Variants in GCNT1 observed in about 807,000 individuals in gnomAD.
The protein encoded by GCNT1 is glucosaminyl (N-acetyl) transferase 1.
GCNT1 carries 16 observed loss-of-function variants against 26.2 expected under a neutral mutation model. The ratio of observed to expected loss-of-function variants is 0.61; its 90% confidence interval spans 0.41 to 0.93. The LOEUF is 0.93. Among genes scored for constraint, GCNT1 ranks in the 40% least tolerant of loss-of-function variants. GCNT1 has a pLI of 0.00. For synonymous variants in GCNT1, 183 were observed against 190.8 expected (o/e 0.96, Z 0.34); for missense variants, 477 against 526.7 (o/e 0.91, Z 0.92).
At chr9:76,431,794 C>T (rs1823341395) in intron 1 of GCNT1, among the ~76,000 whole-genome samples, 1 of 152,120 alleles carries the variant, frequency 6.6e-6, no homozygotes, top group African/African-American at 2.4e-5. Flanking sequence ...ACCTCATTAA[C>T]ACAACAAAGA....
upstream of GCNT1, among the ~76,000 whole-genome samples, chr9:76,454,850 T>TTC (rs1165948516): frequency 4.3e-5 from 6 of 140,468 alleles, no homozygotes; most frequent in Non-Finnish European, 9.3e-5. Context: ...TTCTTTTTTT[T>TTC]TTTTTTTTTT....
chr9:76,475,359 A>G (rs908100424), intron 2 of GCNT1, among the ~76,000 whole-genome samples: 1 of 152,176 alleles, frequency 6.6e-6, no homozygotes, highest in Non-Finnish European at 1.5e-5. Flanking sequence ...TGAAGCCTCC[A>G]AAAAGAGAAT....
chr9:76,469,061 AC>A (rs1389167557), intron 2 of GCNT1, among the ~76,000 whole-genome samples: 1 of 152,128 alleles, frequency 6.6e-6, no homozygotes, highest in African/African-American at 2.4e-5. Flanking sequence ...ATTGATTGAA[AC>A]CCACTGGGCA....
intron 2 of GCNT1, among the ~76,000 whole-genome samples, chr9:76,477,385 G>GC (rs1368096910): frequency 3.3e-5 from 5 of 151,918 alleles, no homozygotes; most frequent in African/African-American, 1.2e-4. Flanking sequence ...AATTAGCTAG[G>GC]CATGGTGGTG....
At chr9:76,414,559 T>G in the GCNT1 span, among the ~76,000 whole-genome samples, 1 of 152,178 alleles carries the variant, frequency 6.6e-6, no homozygotes, top group Non-Finnish European at 1.5e-5. Context: ...ATTTCTTGAT[T>G]AGATGATAAA....
At chr9:76,410,479 C>T in the GCNT1 span, among the ~76,000 whole-genome samples, 4 of 152,050 alleles carry the variant, frequency 2.6e-5, no homozygotes, top group South Asian at 2.1e-4. Context: ...AGGCTGGGTG[C>T]GGTGGCTCAG....
chr9:76,505,087 G>C lies in GCNT1; in HGVS notation c.*1419G>C, dbSNP rs143046583. 1,064 of 412,118 alleles carry C rather than the reference G, an allele frequency of 2.6e-3. 1 individual carries two copies. Among genetic ancestry groups the C allele is most frequent in the South Asian group, 4.4e-3 (31 of 7,004 alleles). The allele number at this position is 412,118 out of a possible 1,614,324, so 25.5% of individuals were successfully genotyped here. A position where few individuals can be genotyped will look rare whatever the true frequency, so the allele number is the denominator to read the frequency against. Reference sequence around the variant, plus strand: ...CATGTTGATACTGTTCAGCAAACAAGCTACCAGGAACTGTGAGGCTTTGTC... The same window carrying C: ...CATGTTGATACTGTTCAGCAAACAACCTACCAGGAACTGTGAGGCTTTGTC... On this transcript the variant is annotated 3_prime_UTR_variant, in exon 4 of 4. Transcript: ENST00000376730.
intron 1 of GCNT1, among the ~76,000 whole-genome samples, chr9:76,445,684 A>G (rs1823564773): frequency 6.6e-6 from 1 of 151,860 alleles, no homozygotes. Context: ...TGGCAAAGAT[A>G]AAAACTGTGG....
intron 2 of GCNT1, among the ~76,000 whole-genome samples, chr9:76,489,298 G>T (rs952629616): frequency 2.8e-4 from 43 of 152,190 alleles, no homozygotes; most frequent in Admixed American, 2.0e-3. Flanking sequence ...TGTGTCTGGA[G>T]TTGGTTCCTT....
chr9:76,503,773 G>C lies in GCNT1; in HGVS notation c.*105G>C. On this transcript the variant is annotated 3_prime_UTR_variant, in exon 4 of 4. Coordinates refer to ENST00000376730, the MANE Select transcript of GCNT1 (RefSeq NM_001490.5). ...GGGAAGATGGTATGAAGTCCTCTTT[G>C]GGGCAGGGACTCTAGTAGATCTTCT... is the stretch of plus-strand genomic sequence containing the variant. The C allele has an allele frequency of 3.4e-6, 3 of 878,318 alleles. No homozygotes were observed. Among genetic ancestry groups the C allele is most frequent in the Non-Finnish European group, 5.6e-6 (3 of 535,644 alleles). 54.4% of individuals were successfully genotyped at this position (878,318 alleles called of 1,614,324 possible). A position where few individuals can be genotyped will look rare whatever the true frequency, so the allele number is the denominator to read the frequency against.
chr9:76,474,612 C>T (rs1824214383), intron 2 of GCNT1, among the ~76,000 whole-genome samples: 1 of 152,128 alleles, frequency 6.6e-6, no homozygotes, highest in African/African-American at 2.4e-5. Context: ...GTGTATTGTG[C>T]AATGTTACGT....
At chr9:76,435,951 CTTTT>C (rs398046579) in intron 1 of GCNT1, among the ~76,000 whole-genome samples, 19 of 112,014 alleles carry the variant, frequency 1.7e-4, no homozygotes, top group South Asian at 6.3e-4. Context: ...GTTCCCATAT[CTTTT>C]TTTTTTTTTT....
chr9:76,459,546 C>T lies in GCNT1; in HGVS notation c.-408+241C>T, dbSNP rs570540715. The stretch of plus-strand genomic sequence containing the variant: ...GGCTGGGACGCCGGTGCCCCGTGTC[C>T]CCTGAAAGTCACTTTCTGGCCTCTT... On this transcript the variant is annotated intron_variant, in intron 1 of 3. Coordinates refer to ENST00000376730, the MANE Select transcript of GCNT1 (RefSeq NM_001490.5). Among the ~76,000 whole-genome samples, 25 of 152,332 alleles carry T rather than the reference C, an allele frequency of 1.6e-4. No individual in the cohort carries two copies. In the East Asian group the frequency reaches 4.3e-3, roughly 26 times the overall value.
rs558327418 is a variant in GCNT1, at chr9:76,429,936, G to C, written n.38+10049G>C. Reference sequence around the variant, plus strand: ...TCACCATGTTAGCCAGGATGGTCTCGATCTCCTGACCTTGTGATCTGCCCG... The same window carrying C: ...TCACCATGTTAGCCAGGATGGTCTCCATCTCCTGACCTTGTGATCTGCCCG... On this transcript the variant is annotated intron_variant and non_coding_transcript_variant, in intron 1 of 3. Coordinates refer to the GCNT1 transcript ENST00000488136. Among the ~76,000 whole-genome samples, 5 of 152,076 alleles carry C rather than the reference G, an allele frequency of 3.3e-5. No individual in the cohort carries two copies. In the South Asian group the frequency reaches 8.3e-4, roughly 25 times the overall value.
At chr9:76,397,504 C>T in the GCNT1 span, among the ~76,000 whole-genome samples, 1 of 150,338 alleles carries the variant, frequency 6.7e-6, no homozygotes, top group Non-Finnish European at 1.5e-5. Flanking sequence ...AGTGCAGTGG[C>T]GCAATCTCGG....
chr9:76,448,768 A>G (rs1823616801), intron 1 of GCNT1, among the ~76,000 whole-genome samples: 1 of 152,158 alleles, frequency 6.6e-6, no homozygotes, highest in Admixed American at 6.6e-5. Flanking sequence ...AGGTCTGGAG[A>G]TTCATCCATG....
At chr9:76,423,745 G>T (rs1823228844) in intron 1 of GCNT1, among the ~76,000 whole-genome samples, 1 of 152,146 alleles carries the variant, frequency 6.6e-6, no homozygotes, top group African/African-American at 2.4e-5. Context: ...AATAATATAA[G>T]CTATGACATA....
chr9:76,482,396 C>T (rs956780887), intron 2 of GCNT1, among the ~76,000 whole-genome samples: 12 of 151,078 alleles, frequency 7.9e-5, no homozygotes, highest in South Asian at 4.2e-4. Flanking sequence ...CTGAGGCGGG[C>T]GGATCACGAG....
At chr9:76,404,435 C>T in the GCNT1 span, among the ~76,000 whole-genome samples, 26 of 152,074 alleles carry the variant, frequency 1.7e-4, no homozygotes, top group African/African-American at 6.0e-4. Context: ...TTATTACCAG[C>T]TGAATAAAAA....
Sources: gnomAD v4.1 joint callset for allele counts (sites outside exome capture counted in the v4.1 genomes callset) on GRCh38, gnomAD v4.1.1 for gene constraint, MANE v1.5 for transcripts, NCBI Gene and HGNC (gene_info 2026-07-23, HGNC 2026-07-21) for gene names.